MAZ: variants seen among roughly 807,000 people sequenced by gnomAD.
MAZ encodes the protein myc-associated zinc finger protein.
Under a neutral mutation model 32.7 loss-of-function variants are expected in MAZ, and 4 were observed. The observed-to-expected ratio is 0.12, with a 90% CI of 0.06 to 0.28. The LOEUF (loss-of-function observed/expected upper bound fraction) is 0.28, where lower values mean the gene tolerates loss of function less well. Ranked by LOEUF, MAZ falls within the 10% of genes least tolerant of loss-of-function variation. MAZ has a pLI of 1.00. For missense variants in MAZ, 763 were observed against 667.2 expected (o/e 1.14, Z -1.58); for synonymous variants, 510 against 297.6 (o/e 1.71, Z -7.35).
At chr16:29,809,476 C>A (rs577879523) in intron 4 of MAZ, 4 of 1,029,054 alleles carry the variant, frequency 3.9e-6, no homozygotes, top group Non-Finnish European at 6.0e-6. Context: ...CCTAGGAGAT[C>A]AGCCCCGTCT....
Position 29,810,335 on chromosome 16 carries a change from A to C in MAZ, c.*104A>C. 1.7e-6 allele frequency: 2 copies of C among 1,174,010 alleles called. No homozygotes were observed. The highest frequency in any genetic ancestry group is 2.5e-6 in the Non-Finnish European group (2 of 810,498). 72.7% of individuals were successfully genotyped at this position (1,174,010 alleles called of 1,614,324 possible). On this transcript the variant is annotated 3_prime_UTR_variant, in exon 5 of 5. Coordinates refer to ENST00000322945, the MANE Select transcript of MAZ (RefSeq NM_002383.4). ...ACCAACTCCTATTTCCCTACCAACC[A>C]AGGAGCCTCCAGAAGGAAAGGAGGA...
In MAZ at chr16:29,810,777, T is replaced by G; in HGVS notation, c.*546T>G. On this transcript the variant is annotated 3_prime_UTR_variant, in exon 5 of 5. Coordinates refer to ENST00000322945, the MANE Select transcript of MAZ (RefSeq NM_002383.4). ...GCAGAAGCAGGGCCGGCAAAGGTTG[T>G]ACCTTCATAAGGTGGTATGGGGGGT... 2.8e-6 allele frequency: 1 copy of G among 362,886 alleles called. No individual in the cohort carries two copies. The highest frequency in any genetic ancestry group is 5.3e-6 in the Non-Finnish European group (1 of 189,486). The allele number at this position is 362,886 out of a possible 1,614,324, so 22.5% of individuals were successfully genotyped here. A position where few individuals can be genotyped will look rare whatever the true frequency, so the allele number is the denominator to read the frequency against.
At chr16:29,810,005 G>A (rs1354216908) in intron 4 of MAZ, 72 bp from the exon 5 acceptor site, 10 of 1,547,810 alleles carry the variant, frequency 6.5e-6, no homozygotes, top group Non-Finnish European at 8.7e-6. Flanking sequence ...AGCAGGCTGG[G>A]AAGGTGTGGG....
chr16:29,810,416 C>G lies in MAZ; in HGVS notation c.*185C>G. The stretch of plus-strand genomic sequence containing the variant: ...TTTTAACGATTTGTTTCTCCTGCTC[C>G]TCTTCTGTCAGACCTGACCCCACAC... On this transcript the variant is annotated 3_prime_UTR_variant, in exon 5 of 5. Transcript: ENST00000322945. 4.0e-6 allele frequency: 3 copies of G among 756,600 alleles called. No individual in the cohort carries two copies. The highest frequency in any genetic ancestry group is 2.2e-4 in the Middle Eastern group (1 of 4,472). The allele number at this position is 756,600 out of a possible 1,614,324, so 46.9% of individuals were successfully genotyped here.
At chr16:29,809,293 C>T (rs970892065) in intron 4 of MAZ, 39 of 552,964 alleles carry the variant, frequency 7.1e-5, no homozygotes, top group African/African-American at 6.2e-4. Context: ...AGAGGTCTCC[C>T]GGCCATGGAG....
rs2142395192 is a variant in MAZ at position 29,807,345 on chromosome 16, A to G, written c.560A>G (p.Lys187Arg). Residue 187 changes from lysine (K) to arginine (R), a missense_variant, in exon 2 of 5, where the codon AAG becomes AGG. Lys to Arg is a conservative substitution (Grantham distance 26). Transcript: ENST00000322945. ...ASALEKKTKS[K>R]GPYICALCAK... ...GCCTTGGAGAAGAAGACAAAGAGCA[A>G]GGGGCCCTACATCTGCGCTCTGTGC... is the stretch of plus-strand genomic sequence containing the variant. 1 of 1,611,772 alleles carries G rather than the reference A, an allele frequency of 6.2e-7. No individual in the cohort carries two copies. The highest frequency in any genetic ancestry group is 1.1e-5 in the South Asian group (1 of 91,008).
At position 29,810,787 on chromosome 16, in the gene MAZ, AG is replaced by A; in HGVS notation, c.*558del. The A allele has an allele frequency of 2.8e-6, 1 of 354,942 alleles. No individual in the cohort carries two copies. 22.0% of individuals were successfully genotyped at this position (354,942 alleles called of 1,614,324 possible). A position where few individuals can be genotyped will look rare whatever the true frequency, so the allele number is the denominator to read the frequency against. On this transcript the variant is annotated 3_prime_UTR_variant, in exon 5 of 5. Transcript: ENST00000322945. ...GGCCGGCAAAGGTTGTACCTTCATA[AG>A]GTGGTATGGGGGGTTGGGGTCAGGC...
chr16:29,808,115 TGACGGCCTGGGCTCCGGGAGGAGGC>T, intron 2 of MAZ, 90 bp from the exon 3 acceptor site: 1 of 1,068,774 alleles, frequency 9.4e-7, no homozygotes, highest in East Asian at 2.5e-5. Flanking sequence ...AGTGTCGCTG[TGACGGCCTGGGCTCCGGGAGGAGGC>T]GCAGGGATCC....
At chr16:29,809,938 C>T (rs950504577) in intron 4 of MAZ, 139 bp from the exon 5 acceptor site, 24 of 1,384,134 alleles carry the variant, frequency 1.7e-5, no homozygotes, top group Non-Finnish European at 2.3e-5. Context: ...GGTGAGGATG[C>T]AGGCTGAGGC....
intron 4 of MAZ, chr16:29,809,527 C>G: frequency 6.3e-7 from 1 of 1,580,014 alleles, no homozygotes; most frequent in Non-Finnish European, 8.7e-7. Flanking sequence ...CATCCCAATC[C>G]ACCCCCCAAT....
At position 29,808,305 on chromosome 16, in the gene MAZ, G is replaced by C. The variant is rs1395023593; in HGVS notation, c.1107+12G>C. The stretch of plus-strand genomic sequence containing the variant: ...CCTTCAAATGTGAGGTAGGAAGCCC[G>C]CCTCCTCCTGTCTTGGTTTTCATGA... On this transcript the variant is annotated intron_variant, in intron 3 of 4. Transcript: ENST00000322945. 3.7e-6 allele frequency: 6 copies of C among 1,611,272 alleles called. No individual in the cohort carries two copies. In the African/African-American group the frequency reaches 5.3e-5, roughly 14 times the overall value.
At position 29,806,675 on chromosome 16, in the gene MAZ, C is replaced by T; in HGVS notation, c.-27C>T. ...CCCGCGCCCCCGGCCCCCGCTGAGC[C>T]CCGGGGGCCCCGCTGCGGCCGAGGC... On this transcript the variant is annotated 5_prime_UTR_variant, in exon 1 of 5. Coordinates refer to ENST00000322945, the MANE Select transcript of MAZ (RefSeq NM_002383.4). 1.8e-6 allele frequency: 2 copies of T among 1,092,618 alleles called. No homozygotes were observed. Among genetic ancestry groups the T allele is most frequent in the South Asian group, 3.2e-5 (1 of 31,258 alleles). 67.7% of individuals were successfully genotyped at this position (1,092,618 alleles called of 1,614,324 possible).
In MAZ at chr16:29,808,746, A is replaced by C. The variant is rs371840407; in HGVS notation, c.1279+5A>C. ...TCTGTGAGCTCTGCAACAAAGGTAC[A>C]TGCCGAGGGCTGCCGGGAGGGCCAG... is the stretch of plus-strand genomic sequence containing the variant. On this transcript the variant is annotated splice_donor_5th_base_variant and intron_variant, in intron 4 of 4. Transcript: ENST00000322945. 1 of 1,613,094 alleles carries C rather than the reference A, an allele frequency of 6.2e-7. No homozygotes were observed. The highest frequency in any genetic ancestry group is 1.3e-5 in the African/African-American group (1 of 74,922).
chr16:29,808,785 GCGCCTGGCCAGA>G, intron 4 of MAZ, 44 bp downstream of exon 4: 2 of 1,598,356 alleles, frequency 1.3e-6, no homozygotes, highest in Non-Finnish European at 1.7e-6. Context: ...CAGAGGGTGG[GCGCCTGGCCAGA>G]CGCCTTGCCA....
chr16:29,808,119 G>C, intron 2 of MAZ, 111 bp from the exon 3 acceptor site: 1 of 1,089,084 alleles, frequency 9.2e-7, no homozygotes, highest in Non-Finnish European at 1.4e-6. Context: ...TCGCTGTGAC[G>C]GCCTGGGCTC....
Position 29,809,425 on chromosome 16 carries a change from C to T in MAZ, c.1280-652C>T, listed in dbSNP as rs73528343. 4,680 of 701,602 alleles carry T rather than the reference C, an allele frequency of 6.7e-3. 130 individuals are homozygous for T. The highest frequency in any genetic ancestry group is 0.064 in the African/African-American group (3,517 of 55,330). 43.5% of individuals were successfully genotyped at this position (701,602 alleles called of 1,614,324 possible). Reference sequence around the variant, plus strand: ...GTTGGCCCCAGGCTACCAAGGATACCGTGGGAGGAGGACAGGGCCATCTGA... The same window carrying T: ...GTTGGCCCCAGGCTACCAAGGATACTGTGGGAGGAGGACAGGGCCATCTGA... On this transcript the variant is annotated intron_variant, in intron 4 of 4. Transcript: ENST00000322945.
chr16:29,810,406 T>A lies in MAZ; in HGVS notation c.*175T>A. The A allele has an allele frequency of 1.3e-6, 1 of 774,320 alleles. No homozygotes were observed. The highest frequency in any genetic ancestry group is 2.2e-6 in the Non-Finnish European group (1 of 450,388). The allele number at this position is 774,320 out of a possible 1,614,324, so 48.0% of individuals were successfully genotyped here. On this transcript the variant is annotated 3_prime_UTR_variant, in exon 5 of 5. Coordinates refer to ENST00000322945, the MANE Select transcript of MAZ (RefSeq NM_002383.4). ...ATTCGCTAGGTTTTAACGATTTGTT[T>A]CTCCTGCTCCTCTTCTGTCAGACCT... is the stretch of plus-strand genomic sequence containing the variant.
At chr16:29,809,745 G>T in intron 4 of MAZ, 1 of 1,435,568 alleles carries the variant, frequency 7.0e-7, no homozygotes. Flanking sequence ...CCTGCTGAGG[G>T]GGACCCCCGC....
chr16:29,810,039 C>G (rs760172433), intron 4 of MAZ, 38 bp from the exon 5 acceptor site: 1 of 1,581,006 alleles, frequency 6.3e-7, no homozygotes, highest in South Asian at 1.1e-5. Context: ...TCTTGCCATT[C>G]AGATCGCGCT....
Sources: gnomAD v4.1 joint callset for allele counts on GRCh38, gnomAD v4.1.1 for gene constraint, MANE v1.5 for transcripts, NCBI Gene and HGNC (gene_info 2026-07-23, HGNC 2026-07-21) for gene names.